Variants in GAB1 observed in about 807,000 individuals in gnomAD.
The protein encoded by GAB1 is GRB2-associated-binding protein 1.
A neutral mutation model predicts 66.5 loss-of-function variants in GAB1; 19 were observed. The ratio of observed to expected loss-of-function variants is 0.29; its 90% CI spans 0.20 to 0.42. GAB1 has a LOEUF of 0.42. Ranked by LOEUF, GAB1 falls within the 10% of genes least tolerant of loss-of-function variation. The probability of loss-of-function intolerance (pLI) is 1.00; values close to 1 mark genes in which losing one functional copy is unlikely to be tolerated. For synonymous variants in GAB1, 294 were observed against 301.4 expected, an observed-to-expected ratio of 0.98 and a Z score of 0.25; for missense variants, 732 against 858.5, an observed-to-expected ratio of 0.85 and a Z score of 1.84.
intron 1 of GAB1, among the ~76,000 whole-genome samples, chr4:143,363,745 GT>G (rs1729757023): frequency 1.3e-5 from 2 of 152,196 alleles, no homozygotes; most frequent in Admixed American, 6.5e-5. Flanking sequence ...ATGCAATTTT[GT>G]GTTTGAATTT....
Position 143,466,177 on chromosome 4 carries a change from A to G in GAB1, c.1878A>G (p.Glu626=), listed in dbSNP as rs34448492. The G allele has an allele frequency of 3.7e-6, 6 of 1,613,872 alleles. No homozygotes were observed. The highest frequency in any genetic ancestry group is 5.1e-6 in the Non-Finnish European group (6 of 1,179,790). ...AGCCCAAAGGAGACAAACAGGTGGAATACTTAGATCTCGACTTAGATTCTG... is the reference window on the plus strand; with the variant it reads ...AGCCCAAAGGAGACAAACAGGTGGAGTACTTAGATCTCGACTTAGATTCTG... ...MIKPKGDKQV[E]YLDLDLDSGK... Residue 626 remains glutamate (E), a synonymous_variant, in exon 9 of 10, where the codon GAA becomes GAG. Coordinates refer to ENST00000262994, the MANE Select transcript of GAB1 (RefSeq NM_002039.4).
chr4:143,466,935 A>G (rs1053834571), intron 9 of GAB1, among the ~76,000 whole-genome samples: 16 of 152,204 alleles, frequency 1.1e-4, no homozygotes, highest in African/African-American at 2.9e-4. Context: ...TGCTCTTATT[A>G]TATAACAATG....
intron 6 of GAB1, among the ~76,000 whole-genome samples, chr4:143,449,887 G>A (rs1055770772): frequency 1.2e-4 from 18 of 151,794 alleles, no homozygotes; most frequent in East Asian, 1.9e-4. Context: ...TCCTAGTCTC[G>A]GTGGTGTTTA....
chr4:143,353,088 T>A (rs1242776756), intron 1 of GAB1, among the ~76,000 whole-genome samples: 1 of 152,044 alleles, frequency 6.6e-6, no homozygotes, highest in African/African-American at 2.4e-5. Flanking sequence ...GAATCAAGAG[T>A]TTATGAATAG....
intron 2 of GAB1, among the ~76,000 whole-genome samples, chr4:143,418,034 G>A (rs1057267717): frequency 6.6e-6 from 1 of 152,194 alleles, no homozygotes; most frequent in Non-Finnish European, 1.5e-5. Context: ...CTTCCTCTCT[G>A]GCCAGTCAGC....
chr4:143,387,637 G>A (rs1378133188), intron 1 of GAB1, among the ~76,000 whole-genome samples: 1 of 152,122 alleles, frequency 6.6e-6, no homozygotes, highest in Non-Finnish European at 1.5e-5. Flanking sequence ...TATCAGCAGT[G>A]CCACCCCTGT....
At chr4:143,440,719 A>G (rs908115806) in intron 6 of GAB1, among the ~76,000 whole-genome samples, 1 of 152,162 alleles carries the variant, frequency 6.6e-6, no homozygotes, top group African/African-American at 2.4e-5. Context: ...CACTGCTACA[A>G]TCCTTTGTTG....
At chr4:143,464,741 G>A (rs1735691127) in intron 8 of GAB1, among the ~76,000 whole-genome samples, 1 of 152,160 alleles carries the variant, frequency 6.6e-6, no homozygotes, top group Admixed American at 6.5e-5. Flanking sequence ...AGTGCAAGAA[G>A]CACCTTTTAA....
In GAB1 at chr4:143,413,848, TGAG is replaced by T. The variant is rs201697117; in HGVS notation, c.73-1622_73-1620del. 2.7e-3 allele frequency among the ~76,000 whole-genome samples: 348 copies of T among 130,748 alleles called. 5 individuals carry two copies. Among genetic ancestry groups the T allele is most frequent in the African/African-American group, 0.01 (334 of 32,138 alleles). The allele number at this position is 130,748 out of a possible 152,430, so 85.8% of individuals were successfully genotyped here. ...CCTTTTTTTTTTTTTTTTTTTTTTT[TGAG>T]GAGGAGTCTTCTTCTGTCCAGGCTG... On this transcript the variant is annotated intron_variant, in intron 1 of 9. Coordinates refer to ENST00000262994, the MANE Select transcript of GAB1 (RefSeq NM_002039.4).
chr4:143,455,103 G>A (rs776145664), intron 6 of GAB1, among the ~76,000 whole-genome samples: 1 of 151,992 alleles, frequency 6.6e-6, no homozygotes, highest in South Asian at 2.1e-4. Context: ...TGCTCCTTCC[G>A]TTTCAGTCCT....
rs1203416037 is a variant in GAB1, at chr4:143,474,291, C to G, written c.*5102C>G. 1 of 152,104 alleles carries G rather than the reference C, an allele frequency of 6.6e-6. No individual in the cohort carries two copies. Among genetic ancestry groups the G allele is most frequent in the African/African-American group, 2.4e-5 (1 of 41,424 alleles). 9.4% of individuals were successfully genotyped at this position (152,104 alleles called of 1,614,324 possible). On this transcript the variant is annotated 3_prime_UTR_variant, in exon 10 of 10. Coordinates refer to ENST00000262994, the MANE Select transcript of GAB1 (RefSeq NM_002039.4). ...TTGGTGATTAACACTTAATGCGTCT[C>G]CTCTGATTTTGTGTTCCATGAGGTG... is the stretch of plus-strand genomic sequence containing the variant.
In GAB1 at chr4:143,438,148, G is replaced by T. The variant is rs752188636; in HGVS notation, c.743G>T (p.Arg248Leu). Reference protein sequence around the residue: ...QQMIYDSPPSRAPSASVDSSL... With the variant: ...QQMIYDSPPSLAPSASVDSSL... ...ATGATATACGACTCTCCACCTTCAC[G>T]TGCCCCATCTGCTTCAGTTGACTCC... is the stretch of plus-strand genomic sequence containing the variant. The change falls in exon 4 of 10, where the codon CGT (arginine) becomes CTT (leucine). Residue 248 changes from arginine to leucine, a missense_variant. Physicochemically the swap from Arg to Leu is moderately radical, Grantham distance 102 (BLOSUM62 -2). Transcript: ENST00000262994. 3 of 1,613,800 alleles carry T rather than the reference G, an allele frequency of 1.9e-6. No homozygotes were observed.
intron 1 of GAB1, among the ~76,000 whole-genome samples, chr4:143,390,163 A>G (rs1429523849): frequency 6.6e-6 from 1 of 152,216 alleles, no homozygotes; most frequent in Non-Finnish European, 1.5e-5. Context: ...TTAGAAGTAG[A>G]GTAAAAAGTT....
chr4:143,442,172 TATA>T (rs1734281108), intron 6 of GAB1, among the ~76,000 whole-genome samples: 1 of 152,258 alleles, frequency 6.6e-6, no homozygotes, highest in African/African-American at 2.4e-5. Context: ...AGGATTGAGA[TATA>T]AGTGTCATGA....
chr4:143,401,627 G>A (rs886082835), intron 1 of GAB1, among the ~76,000 whole-genome samples: 1 of 152,094 alleles, frequency 6.6e-6, no homozygotes, highest in African/African-American at 2.4e-5. Flanking sequence ...ATTCTAGCAT[G>A]GTAAGCAAGA....
At chr4:143,434,760 C>T (rs1319479833) in intron 3 of GAB1, among the ~76,000 whole-genome samples, 1 of 152,164 alleles carries the variant, frequency 6.6e-6, no homozygotes, top group Non-Finnish European at 1.5e-5. Flanking sequence ...CCATCTCCTT[C>T]CCTGCCCCCA....
Position 143,373,868 on chromosome 4 carries a change from A to AATAAATAAATAAATATATAT in GAB1, c.72+36611_72+36612insAATAAATAAATATATATATA. The stretch of plus-strand genomic sequence containing the variant: ...CTCTCTCTCTCTCTGTAAATAAATA[A>AATAAATAAATAAATATATAT]ATATATATATATATATATTTTTACC... On this transcript the variant is annotated intron_variant, in intron 1 of 9. Coordinates refer to ENST00000262994, the MANE Select transcript of GAB1 (RefSeq NM_002039.4). Among the ~76,000 whole-genome samples, 549 of 93,636 alleles carry AATAAATAAATAAATATATAT rather than the reference A, an allele frequency of 5.9e-3. 31 individuals carry two copies. Among genetic ancestry groups the AATAAATAAATAAATATATAT allele is most frequent in the African/African-American group, 0.024 (511 of 21,556 alleles). 61.4% of individuals were successfully genotyped at this position (93,636 alleles called of 152,430 possible).
intron 1 of GAB1, among the ~76,000 whole-genome samples, chr4:143,374,764 G>A (rs561112959): frequency 6.6e-5 from 10 of 152,224 alleles, no homozygotes; most frequent in Admixed American, 3.9e-4. Context: ...CGAGTGTCTG[G>A]GTTTGGAGGA....
At chr4:143,463,179 G>T (rs1470429537) in intron 8 of GAB1, among the ~76,000 whole-genome samples, 1 of 151,826 alleles carries the variant, frequency 6.6e-6, no homozygotes. Flanking sequence ...CTTTAATTTT[G>T]GATCAAAAAT....
Sources: gnomAD v4.1 joint callset for allele counts (sites outside exome capture counted in the v4.1 genomes callset) on GRCh38, gnomAD v4.1.1 for gene constraint, MANE v1.5 for transcripts, NCBI Gene and HGNC (gene_info 2026-07-23, HGNC 2026-07-21) for gene names.